The following FBXO15 variants were observed in gnomAD, a reference collection of about 807,000 sequenced individuals.
FBXO15 encodes F-box protein 15.
FBXO15 carries 30 observed loss-of-function variants against 49.5 expected under a neutral mutation model. The observed-to-expected ratio is 0.61, with a 90% CI of 0.45 to 0.82. The LOEUF is 0.82. Ranked by LOEUF, FBXO15 falls within the 40% of genes least tolerant of loss-of-function variation. The pLI, the probability that FBXO15 is intolerant of heterozygous loss-of-function variation, is 0.00. For synonymous variants in FBXO15, 250 were observed against 232.7 expected (o/e 1.07, Z -0.68); for missense variants, 591 against 631.5 (o/e 0.94, Z 0.69).
chr18:74,082,797 A>G (rs780600260), intron 8 of FBXO15, among the ~76,000 whole-genome samples: 1 of 152,252 alleles, frequency 6.6e-6, no homozygotes, highest in Admixed American at 6.5e-5. Context: ...ACCAACCGAC[A>G]GCAACACAAC....
At chr18:74,121,387 T>C (rs1914461398) in intron 8 of FBXO15, among the ~76,000 whole-genome samples, 1 of 152,070 alleles carries the variant, frequency 6.6e-6, no homozygotes, top group Non-Finnish European at 1.5e-5. Context: ...ACTTCATAAA[T>C]ATCTTAACAA....
intron 5 of FBXO15, among the ~76,000 whole-genome samples, chr18:74,126,541 T>C (rs1288488163): frequency 6.6e-6 from 1 of 152,208 alleles, no homozygotes; most frequent in Non-Finnish European, 1.5e-5. Flanking sequence ...AGGAGATGGC[T>C]GGAAAGCAGA....
In FBXO15 at chr18:74,082,642, G is replaced by A. The variant is rs145159933; in HGVS notation, c.1139-591C>T. ...AGCCTGGCCACACGGAGGAGCCCTC[G>A]CACCCACACAGCACACTAGCCCTGC... On this transcript the variant is annotated intron_variant, in intron 8 of 9. Transcript: ENST00000419743. Among the ~76,000 whole-genome samples, 861 of 152,246 alleles carry A rather than the reference G, an allele frequency of 5.7e-3. 9 individuals carry two copies. Among genetic ancestry groups the A allele is most frequent in the African/African-American group, 0.02 (818 of 41,548 alleles).
intron 1 of FBXO15, among the ~76,000 whole-genome samples, chr18:74,142,874 T>C (rs898020651): frequency 6.6e-6 from 1 of 152,236 alleles, no homozygotes; most frequent in African/African-American, 2.4e-5. Flanking sequence ...TCTAAAATTA[T>C]TTAAAAGCAT....
chr18:74,136,588 G>A (rs971522217), intron 2 of FBXO15, among the ~76,000 whole-genome samples: 19 of 152,270 alleles, frequency 1.2e-4, no homozygotes, highest in African/African-American at 1.2e-4. Context: ...TCACTGCTTC[G>A]TCTGGGGCTT....
intron 1 of FBXO15, among the ~76,000 whole-genome samples, chr18:74,145,157 T>G (rs965545040): frequency 6.6e-6 from 1 of 152,204 alleles, no homozygotes; most frequent in African/African-American, 2.4e-5. Context: ...TATCTTTGGC[T>G]AAAACATTTA....
chr18:74,081,889 C>G, intron 9 of FBXO15, 38 bp downstream of exon 9: 1 of 1,457,582 alleles, frequency 6.9e-7, no homozygotes, highest in South Asian at 1.3e-5. Flanking sequence ...ATATAGAAAT[C>G]AAGTTACTTG....
At chr18:74,112,717 A>G (rs368679320) in intron 8 of FBXO15, among the ~76,000 whole-genome samples, 2 of 152,238 alleles carry the variant, frequency 1.3e-5, no homozygotes, top group East Asian at 3.8e-4. Flanking sequence ...GAAGAAATAA[A>G]ACTCTTTGTT....
At chr18:74,122,551 T>C (rs1029717827) in intron 8 of FBXO15, 2 of 152,204 alleles carry the variant, frequency 1.3e-5, no homozygotes, top group Non-Finnish European at 2.9e-5. Context: ...CATTAATGAG[T>C]GTCAAGTCCA....
chr18:74,089,336 G>A (rs1206308414), intron 8 of FBXO15, among the ~76,000 whole-genome samples: 1 of 152,168 alleles, frequency 6.6e-6, no homozygotes, highest in Non-Finnish European at 1.5e-5. Context: ...AAGAGCTTTT[G>A]AGCAGAGACT....
intron 6 of FBXO15, among the ~76,000 whole-genome samples, chr18:74,125,147 G>A (rs1032597131): frequency 6.6e-6 from 1 of 152,168 alleles, no homozygotes; most frequent in African/African-American, 2.4e-5. Context: ...TAAATTTGAA[G>A]GTGCCACTCT....
chr18:74,141,587 G>A (rs1456653979), intron 1 of FBXO15, among the ~76,000 whole-genome samples: 3 of 151,934 alleles, frequency 2.0e-5, no homozygotes, highest in Non-Finnish European at 4.4e-5. Context: ...CAACAATTGG[G>A]AGCAAAAAAA....
chr18:74,147,607 G>A (rs563915779), intron 1 of FBXO15, 63 bp downstream of exon 1: 6 of 1,364,426 alleles, frequency 4.4e-6, no homozygotes, highest in Non-Finnish European at 5.7e-6. Flanking sequence ...ACGGTGAAGA[G>A]AGCGGGGCCG....
chr18:74,131,049 C>G (rs1978362046), intron 3 of FBXO15, among the ~76,000 whole-genome samples: 1 of 151,986 alleles, frequency 6.6e-6, no homozygotes, highest in African/African-American at 2.4e-5. Context: ...TTAAAAAGAT[C>G]AGAAAGGATG....
chr18:74,111,464 A>G (rs1276320980), intron 8 of FBXO15, among the ~76,000 whole-genome samples: 1 of 152,054 alleles, frequency 6.6e-6, no homozygotes, highest in Non-Finnish European at 1.5e-5. Context: ...CCAAGAAAAA[A>G]TTTAAAATGT....
At chr18:74,095,219 TTGTA>T (rs1365531954) in intron 8 of FBXO15, among the ~76,000 whole-genome samples, 1 of 152,260 alleles carries the variant, frequency 6.6e-6, no homozygotes, top group Non-Finnish European at 1.5e-5. Flanking sequence ...TTTTTATCAT[TTGTA>T]TGTTCACTGG....
intron 8 of FBXO15, among the ~76,000 whole-genome samples, chr18:74,119,218 G>A (rs1386804159): frequency 1.3e-5 from 2 of 152,160 alleles, no homozygotes; most frequent in African/African-American, 4.8e-5. Flanking sequence ...CAAGAGCTTT[G>A]ACCAAAAAGA....
intron 9 of FBXO15, among the ~76,000 whole-genome samples, chr18:74,079,106 T>C (rs1912380864): frequency 6.6e-6 from 1 of 152,174 alleles, no homozygotes. Flanking sequence ...GATGCCAATC[T>C]CCATATAGAT....
chr18:74,134,514 G>T (rs945688862), intron 3 of FBXO15, among the ~76,000 whole-genome samples: 2 of 151,412 alleles, frequency 1.3e-5, no homozygotes, highest in African/African-American at 4.9e-5. Flanking sequence ...GACTACAGGC[G>T]CCTGCCACCA....
Sources: gnomAD v4.1 joint callset for allele counts (sites outside exome capture counted in the v4.1 genomes callset) on GRCh38, gnomAD v4.1.1 for gene constraint, MANE v1.5 for transcripts, NCBI Gene and HGNC (gene_info 2026-07-23, HGNC 2026-07-21) for gene names.